The following ACSF2 variants were observed in gnomAD, a reference collection of about 807,000 sequenced individuals.
The protein encoded by ACSF2 is medium-chain acyl-CoA ligase ACSF2, mitochondrial.
In ACSF2, 52 loss-of-function variants were observed where a neutral mutation model predicts 79.3. That is an observed-to-expected ratio of 0.66 (90% CI 0.53 to 0.83). The LOEUF is 0.83. Ranked by LOEUF, ACSF2 falls within the 40% of genes least tolerant of loss-of-function variation. The pLI is 0.00. For missense variants in ACSF2, 661 were observed against 803.3 expected (o/e 0.82, Z 2.14); for synonymous variants, 283 against 312.6 (o/e 0.91, Z 1.00).
chr17:50,440,249 G>T (rs772797700), intron 1 of ACSF2, among the ~76,000 whole-genome samples: 4 of 151,462 alleles, frequency 2.6e-5, no homozygotes, highest in Non-Finnish European at 4.4e-5. Flanking sequence ...GGAAGCAGGG[G>T]GTGGCCTCAG....
At chr17:50,449,047 C>T (rs1009292281) in intron 1 of ACSF2, among the ~76,000 whole-genome samples, 21 of 127,734 alleles carry the variant, frequency 1.6e-4, no homozygotes, top group Middle Eastern at 6.1e-3. Flanking sequence ...GATGGAGTCT[C>T]GCTCTGTCAC....
At chr17:50,456,963 G>T (rs1473702304) in intron 1 of ACSF2, among the ~76,000 whole-genome samples, 4 of 152,100 alleles carry the variant, frequency 2.6e-5, no homozygotes, top group Non-Finnish European at 2.9e-5. Context: ...TACTTGGGAG[G>T]CTGAGATGGG....
chr17:50,461,898 G>A (rs529167474), intron 4 of ACSF2, among the ~76,000 whole-genome samples: 4 of 151,642 alleles, frequency 2.6e-5, no homozygotes, highest in Non-Finnish European at 5.9e-5. Flanking sequence ...GAGTGTGCAG[G>A]GACGGGGGCA....
At chr17:50,460,011 T>C (rs765760997) in intron 1 of ACSF2, among the ~76,000 whole-genome samples, 1 of 152,062 alleles carries the variant, frequency 6.6e-6, no homozygotes, top group Non-Finnish European at 1.5e-5. Flanking sequence ...CATCTGAGAG[T>C]GGGAGCTGGA....
chr17:50,466,091 C>CCT (rs2032700157), intron 10 of ACSF2, among the ~76,000 whole-genome samples: 1 of 120,198 alleles, frequency 8.3e-6, no homozygotes, highest in African/African-American at 3.2e-5. Context: ...TTTTTTTTTC[C>CCT]TTTTTTTTTT....
At chr17:50,458,935 T>C (rs970238359) in intron 1 of ACSF2, among the ~76,000 whole-genome samples, 3 of 152,214 alleles carry the variant, frequency 2.0e-5, no homozygotes, top group African/African-American at 7.2e-5. Context: ...AGAGCTAATA[T>C]GTCTAATTTC....
rs545643481 is a variant in ACSF2, at chr17:50,474,805, G to A, written c.*253G>A. The A allele has an allele frequency of 2.8e-3, 1,429 of 517,224 alleles. 25 individuals carry two copies. Among genetic ancestry groups the A allele is most frequent in the Non-Finnish European group, 1.3e-3 (384 of 291,218 alleles). 32.0% of individuals were successfully genotyped at this position (517,224 alleles called of 1,614,324 possible). ...CCCACATTCCCCTGTCTGTCCTTGT[G>A]ATTTGGCATAAAGAGCTTCTGTTTT... On this transcript the variant is annotated 3_prime_UTR_variant, in exon 16 of 16. Transcript: ENST00000300441. The surrounding 1 kb of genome is among the most constrained non-coding windows in gnomAD (Gnocchi z 4.2).
At chr17:50,444,917 T>C (rs991265596) in intron 1 of ACSF2, among the ~76,000 whole-genome samples, 1 of 152,284 alleles carries the variant, frequency 6.6e-6, no homozygotes, top group East Asian at 1.9e-4. Context: ...AATTAGATAA[T>C]GTGGCTTTTT....
Position 50,473,765 on chromosome 17 carries a change from G to C in ACSF2, c.1576G>C (p.Glu526Gln), listed in dbSNP as rs571347004. 1.2e-6 allele frequency: 2 copies of C among 1,614,214 alleles called. No individual in the cohort carries two copies. Among genetic ancestry groups the C allele is most frequent in the Non-Finnish European group, 1.7e-6 (2 of 1,180,042 alleles). Residue 526 changes from glutamate to glutamine, a missense_variant, in exon 13 of 16, where the codon GAG (glutamate) becomes CAG (glutamine). Coordinates refer to ENST00000300441, the MANE Select transcript of ACSF2 (RefSeq NM_025149.6). ...TGAGAACATCTACCCCGCAGAGCTC[G>C]AGGACTTCTTTCACACACACCCGAA... Reference protein sequence around the residue: ...GGENIYPAELEDFFHTHPKVQ... With the variant: ...GGENIYPAELQDFFHTHPKVQ...
At chr17:50,468,266 A>G in intron 10 of ACSF2, 2 of 1,611,352 alleles carry the variant, frequency 1.2e-6, no homozygotes, top group Non-Finnish European at 8.5e-7. Context: ...CAGGGAGCTC[A>G]ACGCGTTTTC....
intron 1 of ACSF2, among the ~76,000 whole-genome samples, chr17:50,441,765 C>T (rs1454282103): frequency 6.6e-6 from 1 of 152,178 alleles, no homozygotes; most frequent in African/African-American, 2.4e-5. Context: ...CTGAAATCTG[C>T]TTTATCACCT....
rs759767064 is a variant in ACSF2, at chr17:50,463,826, T to C, written c.1055T>C (p.Phe352Ser). 2.5e-6 allele frequency: 4 copies of C among 1,614,076 alleles called. No individual in the cohort carries two copies. Among genetic ancestry groups the C allele is most frequent in the Non-Finnish European group, 3.4e-6 (4 of 1,179,958 alleles). The change falls in exon 9 of 16, where the codon TTC (phenylalanine) becomes TCC (serine). Residue 352 changes from phenylalanine to serine, a missense_variant. Transcript: ENST00000300441. The surrounding 1 kb of genome is among the most constrained non-coding windows in gnomAD (Gnocchi z 4.6). ...GACCTCCTCCTATACAGAGGCACCT[T>C]CCTGTATGGTACCCCCACGATGTTC... ...LEAISRERGT[F>S]LYGTPTMFVD...
chr17:50,456,323 T>G (rs995514908), intron 1 of ACSF2, among the ~76,000 whole-genome samples: 4 of 152,100 alleles, frequency 2.6e-5, no homozygotes, highest in Non-Finnish European at 4.4e-5. Flanking sequence ...CCTGGAGCCT[T>G]GGCACAGAAA....
At chr17:50,461,421 T>A in intron 3 of ACSF2, 51 bp downstream of exon 3, 9 of 1,611,070 alleles carry the variant, frequency 5.6e-6, no homozygotes, top group Non-Finnish European at 7.6e-6. Flanking sequence ...GGAACATCAC[T>A]GAAGGGGAGC....
intron 1 of ACSF2, among the ~76,000 whole-genome samples, chr17:50,445,174 CA>C (rs2031216340): frequency 6.6e-6 from 1 of 152,190 alleles, no homozygotes; most frequent in Non-Finnish European, 1.5e-5. Context: ...CTCACCCTCC[CA>C]AAGTGTTGGG....
intron 1 of ACSF2, among the ~76,000 whole-genome samples, chr17:50,441,776 A>G (rs906556370): frequency 2.6e-5 from 4 of 152,108 alleles, no homozygotes; most frequent in African/African-American, 9.7e-5. Flanking sequence ...TTTATCACCT[A>G]CAGTGTATTA....
intron 1 of ACSF2, among the ~76,000 whole-genome samples, chr17:50,445,316 C>A (rs2031228042): frequency 6.6e-6 from 1 of 152,172 alleles, no homozygotes; most frequent in Non-Finnish European, 1.5e-5. Flanking sequence ...TAAAAGTCCT[C>A]ATCTCCCACA....
chr17:50,474,263 G>A lies in ACSF2; in HGVS notation c.1793G>A (p.Gly598Glu). 6.2e-7 allele frequency: 1 copy of A among 1,614,232 alleles called. No individual in the cohort carries two copies. The highest frequency in any genetic ancestry group is 8.5e-7 in the Non-Finnish European group (1 of 1,180,042). ...FVTNYPLTIS[G>E]KIQKFKLREQ... Reference sequence around the variant, plus strand: ...ACAAACTACCCCCTCACCATTTCAGGAAAGGTGTGTAAGGTGGAGGAGGCT... The same window carrying A: ...ACAAACTACCCCCTCACCATTTCAGAAAAGGTGTGTAAGGTGGAGGAGGCT... Residue 598 changes from glycine (G) to glutamate (E), a missense_variant, in exon 15 of 16, where the codon GGA (glycine) becomes GAA (glutamate). Physicochemically the swap from Gly to Glu is moderately conservative, Grantham distance 98. Transcript: ENST00000300441. The surrounding 1 kb of genome is among the most constrained non-coding windows in gnomAD (Gnocchi z 4.2).
Position 50,463,992 on chromosome 17 carries a change from C to G in ACSF2, c.1138+83C>G. ...TGGCCCGGGTGAGTTAGCTATGCTC[C>G]CAGTCTTTTATATAGGGGGCAAGAA... On this transcript the variant is annotated intron_variant, in intron 9 of 15. Coordinates refer to ENST00000300441, the MANE Select transcript of ACSF2 (RefSeq NM_025149.6). The surrounding 1 kb of genome is among the most constrained non-coding windows in gnomAD (Gnocchi z 4.6). 7.2e-6 allele frequency: 10 copies of G among 1,389,360 alleles called. No individual in the cohort carries two copies. The South Asian group carries it at 1.2e-4, about 16-fold the overall frequency. 86.1% of individuals were successfully genotyped at this position (1,389,360 alleles called of 1,614,324 possible).
Sources: gnomAD v4.1 joint callset for allele counts (sites outside exome capture counted in the v4.1 genomes callset) on GRCh38, gnomAD v4.1.1 for gene constraint, Gnocchi (gnomAD v3.1) non-coding constraint, MANE v1.5 for transcripts, NCBI Gene and HGNC (gene_info 2026-07-23, HGNC 2026-07-21) for gene names.